Variants in KCNQ5 observed in about 807,000 individuals in gnomAD.
KCNQ5 encodes potassium voltage-gated channel subfamily Q member 5, also known as potassium voltage-gated channel subfamily KQT member 5.
In KCNQ5, 30 loss-of-function variants were observed where a neutral mutation model predicts 98.2. The observed-to-expected ratio is 0.31, with a 90% CI of 0.23 to 0.41. KCNQ5 has a LOEUF of 0.41. Among genes scored for constraint, KCNQ5 ranks in the 10% least tolerant of loss-of-function variants. KCNQ5 has a pLI of 1.00. For synonymous variants in KCNQ5, 458 were observed against 449.4 expected, an observed-to-expected ratio of 1.02 and a Z score of -0.24; for missense variants, 835 against 1,182.5, an observed-to-expected ratio of 0.71 and a Z score of 4.31.
rs1582193103 is a variant in KCNQ5 at position 72,735,517 on chromosome 6, A to C, written c.398+112930A>C. ...TTTTTAATGTCTTAATAATGCACTAAATATAGTGTCTTTAAACTATCTTCA... is the reference window on the plus strand; with the variant it reads ...TTTTTAATGTCTTAATAATGCACTACATATAGTGTCTTTAAACTATCTTCA... On this transcript the variant is annotated intron_variant, in intron 1 of 13. Transcript: ENST00000370398. Among the ~76,000 whole-genome samples, 4 of 152,264 alleles carry C rather than the reference A, an allele frequency of 2.6e-5. No individual in the cohort carries two copies. In the South Asian group the frequency reaches 6.2e-4, roughly 24 times the overall value.
chr6:72,689,149 T>C (rs60412240), intron 1 of KCNQ5, among the ~76,000 whole-genome samples: 5,826 of 152,228 alleles, frequency 0.038, 127 homozygotes, highest in Middle Eastern at 0.13. Context: ...ATATAACCCT[T>C]TGGAGTCCTG....
At chr6:72,853,464 C>T (rs1777381326) in intron 1 of KCNQ5, among the ~76,000 whole-genome samples, 1 of 152,132 alleles carries the variant, frequency 6.6e-6, no homozygotes, top group Admixed American at 6.5e-5. Context: ...CTGTCTCAAC[C>T]ACCCGAGAAG....
chr6:73,138,821 C>T (rs1409611790), intron 10 of KCNQ5, among the ~76,000 whole-genome samples: 1 of 152,180 alleles, frequency 6.6e-6, no homozygotes, highest in Non-Finnish European at 1.5e-5. Context: ...TCCCTCAAGG[C>T]TAGTGCCTTT....
At chr6:73,104,164 T>C (rs1239454662) in intron 5 of KCNQ5, among the ~76,000 whole-genome samples, 1 of 151,998 alleles carries the variant, frequency 6.6e-6, no homozygotes, top group Non-Finnish European at 1.5e-5. Context: ...AAAGGAAATT[T>C]TTGCTGTTTG....
At chr6:72,937,850 A>C (rs1766019157) in intron 1 of KCNQ5, among the ~76,000 whole-genome samples, 1 of 152,198 alleles carries the variant, frequency 6.6e-6, no homozygotes, top group South Asian at 2.1e-4. Context: ...TAAAGGTCCA[A>C]ATATATTTAT....
chr6:72,919,487 C>G (rs927787150), intron 1 of KCNQ5, among the ~76,000 whole-genome samples: 2 of 152,042 alleles, frequency 1.3e-5, no homozygotes, highest in Admixed American at 1.3e-4. Context: ...CAAAACAAGT[C>G]TATGGGTTAG....
At chr6:73,133,942 A>G (rs979788007) in intron 10 of KCNQ5, 1 of 520,636 alleles carries the variant, frequency 1.9e-6, no homozygotes, top group African/African-American at 1.9e-5. Context: ...ATTAAGATCA[A>G]TGGGACTGTC....
intron 1 of KCNQ5, among the ~76,000 whole-genome samples, chr6:72,867,247 ACTC>A (rs1778026901): frequency 6.6e-6 from 1 of 152,016 alleles, no homozygotes; most frequent in Admixed American, 6.6e-5. Flanking sequence ...TTTTCTTTAT[ACTC>A]CTCTTTAAAA....
At chr6:72,930,279 A>C (rs1765630657) in intron 1 of KCNQ5, among the ~76,000 whole-genome samples, 1 of 152,130 alleles carries the variant, frequency 6.6e-6, no homozygotes, top group Non-Finnish European at 1.5e-5. Flanking sequence ...TAACGTATTA[A>C]ATATTTTTTA....
intron 1 of KCNQ5, among the ~76,000 whole-genome samples, chr6:72,881,587 G>C (rs1429442740): frequency 2.6e-5 from 4 of 152,176 alleles, no homozygotes; most frequent in African/African-American, 9.7e-5. Flanking sequence ...ATGAGGATGT[G>C]ACCAACTATA....
At chr6:72,931,549 CA>C (rs1765694100) in intron 1 of KCNQ5, among the ~76,000 whole-genome samples, 1 of 152,048 alleles carries the variant, frequency 6.6e-6, no homozygotes, top group African/African-American at 2.4e-5. Flanking sequence ...AGCATATGGA[CA>C]AGTGGTAACT....
At chr6:72,691,572 T>G (rs904245327) in intron 1 of KCNQ5, among the ~76,000 whole-genome samples, 17 of 152,188 alleles carry the variant, frequency 1.1e-4, no homozygotes, top group African/African-American at 3.4e-4. Flanking sequence ...AGCTAAATTG[T>G]AGAGAAGAAA....
intron 1 of KCNQ5, among the ~76,000 whole-genome samples, chr6:72,781,416 C>T (rs1773464963): frequency 6.6e-6 from 1 of 152,102 alleles, no homozygotes. Context: ...GTTATGGCAG[C>T]CCTAGGAAAC....
At chr6:72,862,783 A>G (rs1238606785) in intron 1 of KCNQ5, among the ~76,000 whole-genome samples, 1 of 151,940 alleles carries the variant, frequency 6.6e-6, no homozygotes, top group East Asian at 1.9e-4. Flanking sequence ...ACTCAGCACC[A>G]TGCCTGGCTA....
At chr6:72,924,459 T>C (rs1470212553) in intron 1 of KCNQ5, among the ~76,000 whole-genome samples, 1 of 152,144 alleles carries the variant, frequency 6.6e-6, no homozygotes, top group Non-Finnish European at 1.5e-5. Flanking sequence ...TAAAAGCGCC[T>C]CTTAAGTGGG....
intron 1 of KCNQ5, among the ~76,000 whole-genome samples, chr6:72,788,953 G>C (rs931020740): frequency 5.3e-5 from 8 of 152,050 alleles, no homozygotes; most frequent in Non-Finnish European, 1.0e-4. Context: ...AAAAGTTTTC[G>C]ACCCTAGCTT....
intron 1 of KCNQ5, among the ~76,000 whole-genome samples, chr6:72,704,926 G>A (rs943513198): frequency 2.0e-5 from 3 of 152,136 alleles, no homozygotes; most frequent in Non-Finnish European, 2.9e-5. Context: ...GAAATGTGGA[G>A]GCACACCACT....
At chr6:72,690,285 A>G (rs995192920) in intron 1 of KCNQ5, among the ~76,000 whole-genome samples, 2 of 152,138 alleles carry the variant, frequency 1.3e-5, no homozygotes, top group Non-Finnish European at 2.9e-5. Flanking sequence ...CCACAGAATT[A>G]ATTTGTTACA....
chr6:72,978,612 T>G (rs9446801), intron 1 of KCNQ5, among the ~76,000 whole-genome samples: 7,533 of 152,220 alleles, frequency 0.049, 631 homozygotes, highest in African/African-American at 0.17. Flanking sequence ...GTGATCCTTT[T>G]AAAAAACACA....
Sources: allele counts gnomAD v4.1 joint callset (sites outside exome capture counted in the v4.1 genomes callset), GRCh38; gene constraint gnomAD v4.1.1; transcripts MANE v1.5; gene names NCBI Gene and HGNC (gene_info 2026-07-23, HGNC 2026-07-21).